The following EDIL3 variants were observed in gnomAD, a reference collection of about 807,000 sequenced individuals.
EDIL3 encodes EGF like and discoidin domains 3, also known as EGF-like repeat and discoidin I-like domain-containing protein 3.
In EDIL3, 37 loss-of-function variants were observed where a neutral mutation model predicts 67.4. The observed-to-expected ratio is 0.55, with a 90% CI of 0.42 to 0.72. The LOEUF (loss-of-function observed/expected upper bound fraction) is 0.72. Ranked by LOEUF, EDIL3 falls within the 30% of genes least tolerant of loss-of-function variation. The pLI is 0.00. For missense variants in EDIL3, 527 were observed against 586.3 expected (o/e 0.90, Z 1.04); for synonymous variants, 195 against 196.3 (o/e 0.99, Z 0.05).
At chr5:84,306,777 A>G (rs1746283457) in intron 1 of EDIL3, among the ~76,000 whole-genome samples, 1 of 152,210 alleles carries the variant, frequency 6.6e-6, no homozygotes. Context: ...CAGCAGCTGT[A>G]TCTTACGGAA....
At chr5:84,164,391 A>G (rs1042069412) in intron 4 of EDIL3, among the ~76,000 whole-genome samples, 3 of 152,108 alleles carry the variant, frequency 2.0e-5, no homozygotes, top group African/African-American at 7.2e-5. Flanking sequence ...ATATTTAAAA[A>G]TATACTGGTA....
intron 5 of EDIL3, among the ~76,000 whole-genome samples, chr5:84,121,920 T>C (rs988450861): frequency 7.9e-5 from 12 of 152,154 alleles, no homozygotes; most frequent in Admixed American, 6.6e-4. Context: ...ACAACAGTTA[T>C]ATCTGGGTCC....
intron 9 of EDIL3, among the ~76,000 whole-genome samples, chr5:84,041,564 A>G (rs1418486110): frequency 6.8e-6 from 1 of 147,080 alleles, no homozygotes; most frequent in Non-Finnish European, 1.5e-5. Context: ...ATATACATAT[A>G]TAGTATATAT....
At chr5:84,037,777 T>C (rs1580292493) in intron 9 of EDIL3, among the ~76,000 whole-genome samples, 1 of 152,116 alleles carries the variant, frequency 6.6e-6, no homozygotes, top group East Asian at 1.9e-4. Flanking sequence ...TAAACTTCCA[T>C]GGCTGAACAA....
chr5:83,981,539 T>C (rs1744970328), intron 9 of EDIL3, among the ~76,000 whole-genome samples: 2 of 152,056 alleles, frequency 1.3e-5, no homozygotes, highest in African/African-American at 2.4e-5. Context: ...GGATAGAGTA[T>C]TTTAAGGTGT....
intron 9 of EDIL3, among the ~76,000 whole-genome samples, chr5:83,990,149 A>C (rs1401594333): frequency 1.3e-5 from 2 of 152,146 alleles, no homozygotes; most frequent in Admixed American, 6.6e-5. Context: ...ACTGTGATAC[A>C]TAGGTATTCT....
intron 4 of EDIL3, among the ~76,000 whole-genome samples, chr5:84,160,726 CTTTT>C: frequency 7.3e-6 from 1 of 136,510 alleles, no homozygotes; most frequent in African/African-American, 2.6e-5. Context: ...TCATTTTCTT[CTTTT>C]TTTTCTTTTC....
At chr5:84,291,464 TGAAA>T in intron 1 of EDIL3, among the ~76,000 whole-genome samples, 1 of 151,720 alleles carries the variant, frequency 6.6e-6, no homozygotes, top group Non-Finnish European at 1.5e-5. Flanking sequence ...AAAACAACCC[TGAAA>T]GGTGGGAAAT....
intron 4 of EDIL3, among the ~76,000 whole-genome samples, chr5:84,160,395 G>T (rs1230326023): frequency 3.3e-5 from 5 of 152,042 alleles, no homozygotes; most frequent in African/African-American, 1.2e-4. Flanking sequence ...TTGTTTTTAA[G>T]CATAAAACCA....
chr5:83,963,363 T>TAA lies in EDIL3; in HGVS notation c.1138-5_1138-4dup. 6.3e-7 allele frequency: 1 copy of TAA among 1,585,364 alleles called. No individual in the cohort carries two copies. The highest frequency in any genetic ancestry group is 1.9e-5 in the Admixed American group (1 of 53,014). The stretch of plus-strand genomic sequence containing the variant: ...TTGGTTGGAACAAGAAGATCCACCT[T>TAA]AAAAAAAAGAAAAATACAGGCTTTA... On this transcript the variant is annotated splice_polypyrimidine_tract_variant and splice_region_variant and intron_variant, in intron 9 of 10. Coordinates refer to ENST00000296591, the MANE Select transcript of EDIL3 (RefSeq NM_005711.5).
chr5:84,277,297 T>C (rs1745601064), intron 1 of EDIL3, among the ~76,000 whole-genome samples: 1 of 152,070 alleles, frequency 6.6e-6, no homozygotes, highest in Non-Finnish European at 1.5e-5. Context: ...CGTGAGGTTA[T>C]ACCGAGAAGA....
chr5:84,057,150 A>T (rs1267727467), intron 9 of EDIL3, among the ~76,000 whole-genome samples: 1 of 152,178 alleles, frequency 6.6e-6, no homozygotes, highest in East Asian at 1.9e-4. Context: ...TATTAGAAGA[A>T]CTACTCCTTG....
chr5:83,963,075 A>G, intron 10 of EDIL3, 130 bp downstream of exon 10: 4 of 1,212,190 alleles, frequency 3.3e-6, no homozygotes, highest in Non-Finnish European at 3.3e-6. Flanking sequence ...AAAGCTTTTT[A>G]TTTAACATAT....
chr5:84,102,689 A>C (rs979434976), intron 6 of EDIL3, among the ~76,000 whole-genome samples: 1 of 152,064 alleles, frequency 6.6e-6, no homozygotes, highest in Admixed American at 6.6e-5. Flanking sequence ...AATCTCTACA[A>C]TGGGAACTAG....
intron 4 of EDIL3, among the ~76,000 whole-genome samples, chr5:84,137,641 CA>C (rs1748117776): frequency 6.6e-6 from 1 of 152,128 alleles, no homozygotes; most frequent in African/African-American, 2.4e-5. Context: ...GGGAAATATT[CA>C]GTGTATCCTT....
chr5:83,974,113 C>G (rs1048386981), intron 9 of EDIL3, among the ~76,000 whole-genome samples: 4 of 151,708 alleles, frequency 2.6e-5, no homozygotes, highest in Non-Finnish European at 5.9e-5. Flanking sequence ...ACCATGTGAG[C>G]CTGAATTCTA....
intron 1 of EDIL3, among the ~76,000 whole-genome samples, chr5:84,259,109 G>A (rs1445369556): frequency 4.7e-5 from 7 of 149,700 alleles, no homozygotes; most frequent in Non-Finnish European, 8.9e-5. Context: ...ACAGTCGCCC[G>A]CCACCATGCC....
chr5:84,010,928 A>G (rs1219594068), intron 9 of EDIL3, among the ~76,000 whole-genome samples: 11 of 152,152 alleles, frequency 7.2e-5, no homozygotes, highest in Admixed American at 7.2e-4. Context: ...CACCCCAATG[A>G]TCAGGTAGTA....
At chr5:84,127,720 C>CT (rs1050152148) in intron 5 of EDIL3, among the ~76,000 whole-genome samples, 12 of 151,974 alleles carry the variant, frequency 7.9e-5, no homozygotes, top group Non-Finnish European at 1.8e-4. Context: ...TTGGATTATC[C>CT]TTTTATTTTA....
Sources: allele counts gnomAD v4.1 joint callset (sites outside exome capture counted in the v4.1 genomes callset), GRCh38; gene constraint gnomAD v4.1.1; transcripts MANE v1.5; gene names NCBI Gene and HGNC (gene_info 2026-07-23, HGNC 2026-07-21).